Variants in STARD13 observed in about 807,000 individuals in gnomAD.
STARD13 encodes the protein stAR-related lipid transfer protein 13.
In STARD13, 62 loss-of-function variants were observed where a neutral mutation model predicts 106.4. That is an observed-to-expected ratio of 0.58 (90% CI 0.48 to 0.72). The LOEUF is 0.72. STARD13 is among the 30% of genes least tolerant of loss of function. STARD13 has a pLI of 0.00. For missense variants in STARD13, 1,387 were observed against 1,424.0 expected, an observed-to-expected ratio of 0.97 and a Z score of 0.42; for synonymous variants, 565 against 553.0, an observed-to-expected ratio of 1.02 and a Z score of -0.31.
chr13:33,467,117 A>G, the STARD13 span, among the ~76,000 whole-genome samples: 1 of 152,022 alleles, frequency 6.6e-6, no homozygotes, highest in Non-Finnish European at 1.5e-5. Flanking sequence ...TTATTATTAC[A>G]TCCTAATAAT....
the STARD13 span, among the ~76,000 whole-genome samples, chr13:33,564,527 A>T: frequency 6.8e-6 from 1 of 146,880 alleles, no homozygotes; most frequent in Non-Finnish European, 1.5e-5. Context: ...TAGTTTCACT[A>T]CTGGATGTGT....
rs1886728511 is a variant in STARD13, at chr13:33,197,651, A to G, written c.170-30029T>C. Among the ~76,000 whole-genome samples, 3 of 152,202 alleles carry G rather than the reference A, an allele frequency of 2.0e-5. No individual in the cohort carries two copies. In the South Asian group the frequency reaches 6.2e-4, roughly 31 times the overall value. On this transcript the variant is annotated intron_variant, in intron 1 of 13. Coordinates refer to ENST00000336934, the MANE Select transcript of STARD13 (RefSeq NM_178006.4). ...TTCGACACAGTGCTGCTGCTGACGC[A>G]GTAAGTGCTAATGTATGCTTGCCTA... is the stretch of plus-strand genomic sequence containing the variant.
rs932618712 is a variant in STARD13, at chr13:33,103,448, G to A, written c.*2145C>T. The stretch of plus-strand genomic sequence containing the variant: ...TATGTGCACAAAAACAAAAAAGTCA[G>A]ATAATTCGAAGAGAGGGAGAATCAG... On this transcript the variant is annotated 3_prime_UTR_variant, in exon 14 of 14. Transcript: ENST00000336934. 13 of 152,634 alleles carry A rather than the reference G, an allele frequency of 8.5e-5. No homozygotes were observed. Among genetic ancestry groups the A allele is most frequent in the African/African-American group, 3.1e-4 (13 of 41,434 alleles). 9.5% of individuals were successfully genotyped at this position (152,634 alleles called of 1,614,324 possible). A position where few individuals can be genotyped will look rare whatever the true frequency, so the allele number is the denominator to read the frequency against.
At chr13:33,190,485 G>T (rs936245741) in intron 1 of STARD13, among the ~76,000 whole-genome samples, 1 of 151,952 alleles carries the variant, frequency 6.6e-6, no homozygotes, top group Non-Finnish European at 1.5e-5. Flanking sequence ...AACCCCAAGG[G>T]TTTTTAAGCA....
rs576152185 is a variant in STARD13 at position 33,104,738 on chromosome 13, G to T, written c.*855C>A. 1 of 153,624 alleles carries T rather than the reference G, an allele frequency of 6.5e-6. No homozygotes were observed. Among genetic ancestry groups the T allele is most frequent in the East Asian group, 1.9e-4 (1 of 5,190 alleles). 9.5% of individuals were successfully genotyped at this position (153,624 alleles called of 1,614,324 possible). A position where few individuals can be genotyped will look rare whatever the true frequency, so the allele number is the denominator to read the frequency against. On this transcript the variant is annotated 3_prime_UTR_variant, in exon 14 of 14. Transcript: ENST00000336934. ...AGGCTATGATATTCATCTTGACTTG[G>T]GGTCTGTAGTGATGGGCATGGGAGC...
At chr13:33,588,311 A>G in the STARD13 span, among the ~76,000 whole-genome samples, 3 of 152,214 alleles carry the variant, frequency 2.0e-5, no homozygotes, top group Non-Finnish European at 4.4e-5. Context: ...GCTTAGCACA[A>G]TGCATTTCTA....
intron 1 of STARD13, among the ~76,000 whole-genome samples, chr13:33,283,373 C>T (rs1891900264): frequency 6.6e-6 from 1 of 152,102 alleles, no homozygotes; most frequent in South Asian, 2.1e-4. Context: ...ACTGGGTGAC[C>T]TTGGATAAGA....
At chr13:33,495,683 A>G in the STARD13 span, among the ~76,000 whole-genome samples, 1 of 151,262 alleles carries the variant, frequency 6.6e-6, no homozygotes, top group Non-Finnish European at 1.5e-5. Flanking sequence ...GTTTTGTATT[A>G]CTCTCTGTTT....
At chr13:33,201,955 A>AT (rs1887067699) in intron 1 of STARD13, among the ~76,000 whole-genome samples, 1 of 151,978 alleles carries the variant, frequency 6.6e-6, no homozygotes, top group Non-Finnish European at 1.5e-5. Flanking sequence ...CTTATTTGCC[A>AT]TTTTTCATAT....
the STARD13 span, among the ~76,000 whole-genome samples, chr13:33,529,038 C>T: frequency 1.3e-5 from 2 of 152,064 alleles, no homozygotes; most frequent in African/African-American, 4.8e-5. Context: ...TATTTTTTGG[C>T]TCATATTTTA....
chr13:33,523,332 C>A, the STARD13 span, among the ~76,000 whole-genome samples: 1 of 152,136 alleles, frequency 6.6e-6, no homozygotes, highest in Non-Finnish European at 1.5e-5. Context: ...CTGCCCATAT[C>A]TTGCTGAGTA....
chr13:33,516,205 CATAAT>C, the STARD13 span, among the ~76,000 whole-genome samples: 1 of 145,400 alleles, frequency 6.9e-6, no homozygotes, highest in African/African-American at 2.5e-5. Context: ...ATATTTATGT[CATAAT>C]ATATATTCAG....
At chr13:33,446,371 A>G in the STARD13 span, among the ~76,000 whole-genome samples, 2 of 152,174 alleles carry the variant, frequency 1.3e-5, no homozygotes, top group Non-Finnish European at 1.5e-5. Context: ...AGGAGGGAAG[A>G]GACAGGGATG....
At chr13:33,157,877 C>T (rs1882170682) in intron 3 of STARD13, among the ~76,000 whole-genome samples, 1 of 152,242 alleles carries the variant, frequency 6.6e-6, no homozygotes. Context: ...GCTATCCCTA[C>T]ATTCTGATAA....
the STARD13 span, among the ~76,000 whole-genome samples, chr13:33,506,037 A>G: frequency 2.0e-5 from 3 of 152,148 alleles, no homozygotes; most frequent in African/African-American, 7.2e-5. Flanking sequence ...GTGTCCCCCA[A>G]CTGTACCCAT....
chr13:33,590,867 ATAATT>A, the STARD13 span, among the ~76,000 whole-genome samples: 2 of 152,214 alleles, frequency 1.3e-5, no homozygotes, highest in African/African-American at 2.4e-5. Flanking sequence ...AAACAAAAAA[ATAATT>A]TAAGTTTTTT....
chr13:33,160,455 TA>T (rs1309690890), intron 3 of STARD13, among the ~76,000 whole-genome samples: 3 of 152,042 alleles, frequency 2.0e-5, no homozygotes, highest in Non-Finnish European at 4.4e-5. Flanking sequence ...TCAGAAAAAT[TA>T]AAAACTTTTG....
chr13:33,425,895 A>G, the STARD13 span, among the ~76,000 whole-genome samples: 1 of 152,230 alleles, frequency 6.6e-6, no homozygotes, highest in Non-Finnish European at 1.5e-5. Flanking sequence ...AAGACATCCG[A>G]AGTAACCTGC....
Position 33,106,973 on chromosome 13 carries a change from G to A in STARD13, c.3048-39C>T, listed in dbSNP as rs534399644. 7 of 1,574,742 alleles carry A rather than the reference G, an allele frequency of 4.4e-6. No individual in the cohort carries two copies. In the South Asian group the frequency reaches 5.9e-5, roughly 13 times the overall value. ...ATCCGCACATCAGAGTCATGACTGA[G>A]GGAGGAAGAAGAACCTGAACACAGA... On this transcript the variant is annotated intron_variant, in intron 12 of 13. Coordinates refer to ENST00000336934, the MANE Select transcript of STARD13 (RefSeq NM_178006.4).
Sources: allele counts gnomAD v4.1 joint callset (sites outside exome capture counted in the v4.1 genomes callset), GRCh38; gene constraint gnomAD v4.1.1; transcripts MANE v1.5; gene names NCBI Gene and HGNC (gene_info 2026-07-23, HGNC 2026-07-21).